MRPL39: variants seen among roughly 807,000 people sequenced by gnomAD.
The protein encoded by MRPL39 is mitochondrial ribosomal protein L39.
Under a neutral mutation model 44.5 loss-of-function variants are expected in MRPL39, and 35 were observed. That is an observed-to-expected ratio of 0.79 (90% CI 0.60 to 1.04). The LOEUF is 1.04. Ranked by LOEUF, MRPL39 falls within the 50% of genes least tolerant of loss-of-function variation. MRPL39 has a pLI of 0.00. For missense variants in MRPL39, 433 were observed against 413.5 expected (o/e 1.05, Z -0.41); for synonymous variants, 139 against 136.1 (o/e 1.02, Z -0.15).
upstream of MRPL39, chr21:25,607,525 C>A: frequency 1.3e-6 from 2 of 1,588,120 alleles, no homozygotes; most frequent in South Asian, 1.1e-5. Context: ...CCTCCTCCCC[C>A]GGAAACCGAA....
In MRPL39 at chr21:25,606,906, G is replaced by C. The variant is rs141452592; in HGVS notation, c.74-251C>G. Among the ~76,000 whole-genome samples the C allele has an allele frequency of 2.6e-4, 40 of 152,286 alleles. 1 individual carries two copies. In the East Asian group the frequency reaches 7.1e-3, roughly 27 times the overall value. On this transcript the variant is annotated intron_variant, in intron 1 of 9. Transcript: ENST00000352957. ...AAGGGGCAAAAAGTAACCAGGAAACGGAGTCAAAACTGGACTAGAGTCATT... is the reference window on the plus strand; with the variant it reads ...AAGGGGCAAAAAGTAACCAGGAAACCGAGTCAAAACTGGACTAGAGTCATT...
At chr21:25,590,740 A>C (rs2031149558) in intron 8 of MRPL39, among the ~76,000 whole-genome samples, 1 of 152,244 alleles carries the variant, frequency 6.6e-6, no homozygotes, top group Admixed American at 6.5e-5. Context: ...ACTTATCAGA[A>C]TCTCAGGAAG....
At chr21:25,601,606 G>T in intron 3 of MRPL39, 139 bp from the exon 4 acceptor site, 1 of 480,086 alleles carries the variant, frequency 2.1e-6, no homozygotes, top group East Asian at 4.1e-5. Context: ...TGTAGCAACA[G>T]TTGCCATCAG....
chr21:25,592,279 A>C (rs2031202319), intron 8 of MRPL39, among the ~76,000 whole-genome samples: 1 of 152,218 alleles, frequency 6.6e-6, no homozygotes, highest in East Asian at 1.9e-4. Flanking sequence ...ATCGCTGTCC[A>C]TACCCTGGTG....
chr21:25,605,775 G>C (rs1418092023), intron 2 of MRPL39, among the ~76,000 whole-genome samples: 1 of 152,090 alleles, frequency 6.6e-6, no homozygotes, highest in Non-Finnish European at 1.5e-5. Flanking sequence ...GTGATGGTGG[G>C]CACCTGTAGT....
chr21:25,587,023 A>G (rs1276085113), intron 9 of MRPL39, among the ~76,000 whole-genome samples: 1 of 152,230 alleles, frequency 6.6e-6, no homozygotes, highest in Admixed American at 6.5e-5. Context: ...TGTTGCATCA[A>G]TGAACCACGT....
In MRPL39 at chr21:25,606,620, G is replaced by A. The variant is rs757194390; in HGVS notation, c.109C>T (p.Pro37Ser). The change falls in exon 2 of 10, where the codon CCG becomes TCG. Residue 37 changes from proline to serine, a missense_variant. Pro to Ser is a moderately conservative substitution (Grantham distance 74). Coordinates refer to ENST00000352957, the MANE Select transcript of MRPL39 (RefSeq NM_017446.4). ...IATSSASQLS[P>S]TELTEMRNDL... ...TTCCGCATTTCTGTCAATTCTGTCGGTGACAGCTGAGAAGCTGACGATGTT... is the reference window on the plus strand; with the variant it reads ...TTCCGCATTTCTGTCAATTCTGTCGATGACAGCTGAGAAGCTGACGATGTT... 3 of 1,613,752 alleles carry A rather than the reference G, an allele frequency of 1.9e-6. No individual in the cohort carries two copies. The highest frequency in any genetic ancestry group is 2.5e-6 in the Non-Finnish European group (3 of 1,179,720).
At chr21:25,600,809 A>T (rs2123249513) in intron 4 of MRPL39, among the ~76,000 whole-genome samples, 1 of 152,290 alleles carries the variant, frequency 6.6e-6, no homozygotes, top group East Asian at 1.9e-4. Context: ...TGCTTAAAGT[A>T]AAAAATAAAC....
chr21:25,597,470 T>C (rs1461476397), intron 5 of MRPL39, 56 bp from the exon 6 acceptor site: 2 of 1,031,440 alleles, frequency 1.9e-6, no homozygotes, highest in Non-Finnish European at 2.9e-6. Flanking sequence ...CATTTCTCCA[T>C]AAGCCAGTTG....
intron 9 of MRPL39, among the ~76,000 whole-genome samples, chr21:25,586,009 T>C (rs981061644): frequency 6.6e-6 from 1 of 152,246 alleles, no homozygotes; most frequent in African/African-American, 2.4e-5. Flanking sequence ...GTTGGCCATT[T>C]TACTTTTCAG....
chr21:25,587,202 C>T (rs1206901815), intron 9 of MRPL39, among the ~76,000 whole-genome samples: 1 of 152,134 alleles, frequency 6.6e-6, no homozygotes, highest in African/African-American at 2.4e-5. Context: ...TCAGTTACTA[C>T]TGCTTCTTTA....
intron 9 of MRPL39, 32 bp downstream of exon 9, chr21:25,588,803 A>AATT: frequency 6.4e-7 from 1 of 1,573,782 alleles, no homozygotes; most frequent in South Asian, 1.1e-5. Context: ...TTCTTTATAG[A>AATT]AGAGTACTCA....
At position 25,599,814 on chromosome 21, in the gene MRPL39, C is replaced by T. The variant is rs759425338; in HGVS notation, c.573G>A (p.Glu191=). The change falls in exon 5 of 10, where the codon GAG becomes GAA. Residue 191 remains glutamate (E), a synonymous_variant. Coordinates refer to ENST00000352957, the MANE Select transcript of MRPL39 (RefSeq NM_017446.4). ...YDVVLDSKLD[E]WMPTKENLRS... is the part of the protein sequence containing the mutation. ...ATACACTTACTTTTGTTGGCATCCA[C>T]TCATCAAGTTTGCTATCCAAAACTA... The T allele has an allele frequency of 6.2e-7, 1 of 1,612,894 alleles. No homozygotes were observed. Among genetic ancestry groups the T allele is most frequent in the Non-Finnish European group, 8.5e-7 (1 of 1,179,062 alleles).
chr21:25,595,530 T>C (rs150254908), intron 6 of MRPL39, among the ~76,000 whole-genome samples: 1,585 of 152,334 alleles, frequency 0.01, 9 homozygotes, highest in Non-Finnish European at 0.014. Flanking sequence ...GAAATCTCAA[T>C]GTGTACTGAA....
At chr21:25,607,187 G>GGCCCCGACCCCTGCCCTT (rs1413697747) in intron 1 of MRPL39, among the ~76,000 whole-genome samples, 3 of 152,140 alleles carry the variant, frequency 2.0e-5, no homozygotes, top group African/African-American at 7.2e-5. Context: ...TCCGACCCCT[G>GGCCCCGACCCCTGCCCTT]GCCCCGACCC....
chr21:25,592,018 G>A (rs1416683546), intron 8 of MRPL39, among the ~76,000 whole-genome samples: 2 of 152,090 alleles, frequency 1.3e-5, no homozygotes, highest in African/African-American at 2.4e-5. Flanking sequence ...CAATGTACTC[G>A]GATGAAATCT....
intron 1 of MRPL39, 92 bp downstream of exon 1, chr21:25,607,311 C>A: frequency 7.1e-7 from 1 of 1,413,900 alleles, no homozygotes; most frequent in Non-Finnish European, 9.9e-7. Context: ...TCCTCTGCCC[C>A]GCGGGACCTC....
rs746220810 is a variant in MRPL39, at chr21:25,597,339, C to T, written c.664G>A (p.Glu222Lys). The change falls in exon 6 of 10, where the codon GAA becomes AAA. Residue 222 changes from glutamate to lysine, a missense_variant. By Grantham distance (56) the Glu-to-Lys change is moderately conservative (BLOSUM62 1). Coordinates refer to ENST00000352957, the MANE Select transcript of MRPL39 (RefSeq NM_017446.4). The part of the protein sequence containing the change: ...KDLPFETLEV[E>K]AKVALEIFQH... Reference sequence around the variant, plus strand: ...AATATTTCCAATGCCACTTTTGCTTCAACTTCCAGAGTTTCAAATGGAAGA... The same window carrying T: ...AATATTTCCAATGCCACTTTTGCTTTAACTTCCAGAGTTTCAAATGGAAGA... 1 of 1,602,994 alleles carries T rather than the reference C, an allele frequency of 6.2e-7. No homozygotes were observed. Among genetic ancestry groups the T allele is most frequent in the Non-Finnish European group, 8.5e-7 (1 of 1,173,354 alleles).
intron 9 of MRPL39, among the ~76,000 whole-genome samples, chr21:25,588,318 A>G (rs1417140846): frequency 6.6e-6 from 1 of 152,240 alleles, no homozygotes; most frequent in Non-Finnish European, 1.5e-5. Flanking sequence ...TCTCAAAAAA[A>G]AAAAGAAAAG....
Sources: gnomAD v4.1 joint callset for allele counts (sites outside exome capture counted in the v4.1 genomes callset) on GRCh38, gnomAD v4.1.1 for gene constraint, MANE v1.5 for transcripts, NCBI Gene and HGNC (gene_info 2026-07-23, HGNC 2026-07-21) for gene names.